ZNF750: variants seen among roughly 807,000 people sequenced by gnomAD.
ZNF750 encodes protein ZNF750.
In ZNF750, 10 loss-of-function variants were observed where a neutral mutation model predicts 31.6. That is an observed-to-expected ratio of 0.32 (90% CI 0.19 to 0.54). The LOEUF is 0.54. Among genes scored for constraint, ZNF750 ranks in the 20% least tolerant of loss-of-function variants. The pLI, the probability that ZNF750 is intolerant of heterozygous loss-of-function variation, is 0.95. For missense variants in ZNF750, 914 were observed against 934.9 expected, an observed-to-expected ratio of 0.98 and a Z score of 0.29; for synonymous variants, 400 against 404.9, an observed-to-expected ratio of 0.99 and a Z score of 0.15.
rs1425835057 is a variant in ZNF750 at position 82,830,620 on chromosome 17, C to CT, written c.1693dup (p.Arg565LysfsTer27). On this transcript the variant is annotated frameshift_variant, in exon 3 of 3. Transcript: ENST00000269394. LOFTEE classifies it low-confidence loss of function (END_TRUNC). Reference sequence around the variant, plus strand: ...TCGTGGTCGACCGGGGAAGGCAGGCCTCGGAGCCTGGGTGTTACAGGGGTC... The same window carrying CT: ...TCGTGGTCGACCGGGGAAGGCAGGCCTTCGGAGCCTGGGTGTTACAGGGGTC... 6.2e-7 allele frequency: 1 copy of CT among 1,614,058 alleles called. No homozygotes were observed. Among genetic ancestry groups the CT allele is most frequent in the Non-Finnish European group, 8.5e-7 (1 of 1,179,970 alleles).
Position 82,831,743 on chromosome 17 carries a change from T to G in ZNF750, c.712A>C (p.Thr238Pro). 1 of 1,614,014 alleles carries G rather than the reference T, an allele frequency of 6.2e-7. No homozygotes were observed. Among genetic ancestry groups the G allele is most frequent in the Non-Finnish European group, 8.5e-7 (1 of 1,180,008 alleles). The stretch of plus-strand genomic sequence containing the variant: ...AAGTGAGGCGGGTACTCTGGGATTG[T>G]GGGGTGCATGTAAGGGGAAATGGCC... ...LGAISPYMHP[T>P]IPEYPPHFYT... The change falls in exon 2 of 3, where the codon ACA becomes CCA. Residue 238 changes from threonine (T) to proline (P), a missense_variant. Thr to Pro is a conservative substitution (Grantham distance 38). Around this residue, in one of 2 missense-constraint regions of ZNF750, gnomAD observed 880 missense variants for 868.9 expected, o/e 1.01. Coordinates refer to ENST00000269394, the MANE Select transcript of ZNF750 (RefSeq NM_024702.3). This position sits in a 1 kb window ranked among gnomAD's most constrained non-coding sequence, Gnocchi z 4.6.
In ZNF750 at chr17:82,831,621, G is replaced by C. The variant is rs201166994; in HGVS notation, c.834C>G (p.Thr278=). 3 of 1,614,152 alleles carry C rather than the reference G, an allele frequency of 1.9e-6. No homozygotes were observed. The stretch of plus-strand genomic sequence containing the variant: ...GAGGCAGGAAGTGTCTCGGGTCTTG[G>C]GTTCCGTAGACTGACAGCAGGGGTG... The part of the protein sequence containing the change: ...CDAPLLSVYG[T]QDPRHFLPHP... The change falls in exon 2 of 3, where the codon ACC becomes ACG. Residue 278 remains threonine (T), a synonymous_variant. Coordinates refer to ENST00000269394, the MANE Select transcript of ZNF750 (RefSeq NM_024702.3). The surrounding 1 kb of genome is among the most constrained non-coding windows in gnomAD (Gnocchi z 4.6).
Position 82,831,250 on chromosome 17 carries a change from G to T in ZNF750, c.1205C>A (p.Pro402His). The change falls in exon 2 of 3, where the codon CCC becomes CAC. Residue 402 changes from proline (P) to histidine (H), a missense_variant. Coordinates refer to ENST00000269394, the MANE Select transcript of ZNF750 (RefSeq NM_024702.3). The surrounding 1 kb of genome is among the most constrained non-coding windows in gnomAD (Gnocchi z 4.6). ...QRDTEGSKMS[P>H]RAGSAATGSP... Reference sequence around the variant, plus strand: ...GCCCGTGGCTGCACTCCCTGCGCGGGGGCTCATTTTGGACCCTTCCGTGTC... The same window carrying T: ...GCCCGTGGCTGCACTCCCTGCGCGGTGGCTCATTTTGGACCCTTCCGTGTC... 6.2e-7 allele frequency: 1 copy of T among 1,613,884 alleles called. No individual in the cohort carries two copies. The highest frequency in any genetic ancestry group is 8.5e-7 in the Non-Finnish European group (1 of 1,180,032).
At chr17:82,837,174 A>C (rs2054060452) in intron 1 of ZNF750, among the ~76,000 whole-genome samples, 1 of 152,208 alleles carries the variant, frequency 6.6e-6, no homozygotes, top group Non-Finnish European at 1.5e-5. Context: ...AAGCTTTCAA[A>C]TGATGATGAT....
Position 82,830,881 on chromosome 17 carries a change from G to T in ZNF750, c.1437-4C>A. 1.2e-6 allele frequency: 2 copies of T among 1,612,706 alleles called. No individual in the cohort carries two copies. The highest frequency in any genetic ancestry group is 1.7e-6 in the Non-Finnish European group (2 of 1,180,016). On this transcript the variant is annotated splice_polypyrimidine_tract_variant and splice_region_variant and intron_variant, in intron 2 of 2. Coordinates refer to ENST00000269394, the MANE Select transcript of ZNF750 (RefSeq NM_024702.3). Reference sequence around the variant, plus strand: ...GTCTCCGTTCACAACATTGAGGCTAGAAGAAGCCAAGAAAAAGCTTAGTAG... The same window carrying T: ...GTCTCCGTTCACAACATTGAGGCTATAAGAAGCCAAGAAAAAGCTTAGTAG...
At position 82,830,583 on chromosome 17, in the gene ZNF750, A is replaced by G; in HGVS notation, c.1731T>C (p.Pro577=). 5.6e-6 allele frequency: 9 copies of G among 1,614,060 alleles called. No individual in the cohort carries two copies. Among genetic ancestry groups the G allele is most frequent in the Non-Finnish European group, 7.6e-6 (9 of 1,179,978 alleles). ...CAGTCTTCTGTGGAACAGCAGCAGCAGGTTCTGCAGCTCGTGGTCGACCGG... is the reference window on the plus strand; with the variant it reads ...CAGTCTTCTGTGGAACAGCAGCAGCGGGTTCTGCAGCTCGTGGTCGACCGG... ...AFPGRPRAAE[P]AAAVPQKTGT... is the part of the protein sequence containing the mutation. The change falls in exon 3 of 3, where the codon CCT becomes CCC. Residue 577 remains proline (P), a synonymous_variant. Transcript: ENST00000269394.
intron 1 of ZNF750, chr17:82,839,090 T>G (rs925575505): frequency 7.8e-6 from 5 of 641,730 alleles, no homozygotes; most frequent in African/African-American, 5.9e-5. Flanking sequence ...TTTGGTTTGG[T>G]TTTGTTTTCG....
Position 82,832,237 on chromosome 17 carries a change from G to C in ZNF750, c.218C>G (p.Pro73Arg), listed in dbSNP as rs541943193. Residue 73 changes from proline to arginine, a missense_variant, in exon 2 of 3, where the codon CCC (proline) becomes CGC (arginine). Transcript: ENST00000269394. The surrounding 1 kb of genome is among the most constrained non-coding windows in gnomAD (Gnocchi z 4.9). ...PKCPKSNSLD[P>R]KQTNQPDATA... ...GGCATCGGGCTGGTTGGTTTGCTTG[G>C]GGTCTAGTGAGTTAGATTTAGGGCA... 17 of 1,614,228 alleles carry C rather than the reference G, an allele frequency of 1.1e-5. No homozygotes were observed. The Admixed American group carries it at 2.7e-4, about 25-fold the overall frequency.
rs1428136378 is a variant in ZNF750, at chr17:82,831,895, G to A, written c.560C>T (p.Pro187Leu). 6.2e-7 allele frequency: 1 copy of A among 1,614,200 alleles called. No individual in the cohort carries two copies. The highest frequency in any genetic ancestry group is 1.7e-5 in the Admixed American group (1 of 60,030). Residue 187 changes from proline to leucine, a missense_variant, in exon 2 of 3, where the codon CCC becomes CTC. Around this residue, in one of 2 missense-constraint regions of ZNF750, gnomAD observed 880 missense variants for 868.9 expected, o/e 1.01. Transcript: ENST00000269394. The surrounding 1 kb of genome is among the most constrained non-coding windows in gnomAD (Gnocchi z 4.6). ...GTGGAAAGACACGGCCTTGGCAGTG[G>A]GGTTGTGTAAAGCCAGTGTCTCGGG... ...EAPETLALHN[P>L]TAKAVSFHTK... is the part of the protein sequence containing the mutation.
At position 82,832,533 on chromosome 17, in the gene ZNF750, A is replaced by T; in HGVS notation, c.-79T>A. ...CGCCGCGTGCACTTCGTGGTTTCTA[A>T]AGAGGCACCTCCCGCTTTGCTTTCT... is the stretch of plus-strand genomic sequence containing the variant. On this transcript the variant is annotated 5_prime_UTR_variant, in exon 2 of 3. Coordinates refer to ENST00000269394, the MANE Select transcript of ZNF750 (RefSeq NM_024702.3). The surrounding 1 kb of genome is among the most constrained non-coding windows in gnomAD (Gnocchi z 4.9). 7.9e-7 allele frequency: 1 copy of T among 1,264,466 alleles called. No homozygotes were observed. Among genetic ancestry groups the T allele is most frequent in the Non-Finnish European group, 1.1e-6 (1 of 878,414 alleles). The allele number at this position is 1,264,466 out of a possible 1,614,324, so 78.3% of individuals were successfully genotyped here.
At chr17:82,834,822 C>G (rs1398012927) in intron 1 of ZNF750, among the ~76,000 whole-genome samples, 2 of 152,078 alleles carry the variant, frequency 1.3e-5, no homozygotes, top group Non-Finnish European at 1.5e-5. Flanking sequence ...CACCATGGCA[C>G]ACATTTACCT....
Position 82,830,441 on chromosome 17 carries a change from C to A in ZNF750, c.1873G>T (p.Asp625Tyr), listed in dbSNP as rs1276760924. ...GTCTGCTTCTGCTCCTCGCTGCTGT[C>A]CACCGCGCATGCGTCTGGAGCCTCC... ...GEEAPDACAV[D>Y]SSEEQKQTAA... is the part of the protein sequence containing the mutation. Residue 625 changes from aspartate (D) to tyrosine (Y), a missense_variant, in exon 3 of 3, where the codon GAC becomes TAC. By Grantham distance (160) the Asp-to-Tyr change is radical. This residue lies in a region of ZNF750 where 880 missense variants were observed against 868.9 expected (regional missense o/e 1.01). Coordinates refer to ENST00000269394, the MANE Select transcript of ZNF750 (RefSeq NM_024702.3). The A allele has an allele frequency of 6.2e-7, 1 of 1,612,126 alleles. No homozygotes were observed. The highest frequency in any genetic ancestry group is 1.7e-5 in the Admixed American group (1 of 60,008).
In ZNF750 at chr17:82,835,825, G is replaced by C. The variant is rs56144401; in HGVS notation, c.-182-3189C>G. 5.9e-3 allele frequency among the ~76,000 whole-genome samples: 905 copies of C among 152,308 alleles called. 8 individuals are homozygous for C. The highest frequency in any genetic ancestry group is 0.02 in the African/African-American group (849 of 41,556). On this transcript the variant is annotated intron_variant, in intron 1 of 2. Coordinates refer to ENST00000269394, the MANE Select transcript of ZNF750 (RefSeq NM_024702.3). The surrounding 1 kb of genome is among the most constrained non-coding windows in gnomAD (Gnocchi z 4.5). ...TTAAGACATTTATTTACTAAGAAGT[G>C]GTTTGGGTAGAAAAGGGGCTCTGCT...
intron 1 of ZNF750, among the ~76,000 whole-genome samples, chr17:82,836,579 C>T (rs137925436): frequency 5.4e-4 from 82 of 152,028 alleles, no homozygotes; most frequent in African/African-American, 1.9e-3. Flanking sequence ...ATACCTCTAG[C>T]GCCTGAAACA....
rs2145259115 is a variant in ZNF750 at position 82,831,435 on chromosome 17, G to A, written c.1020C>T (p.Gly340=). 6.2e-7 allele frequency: 1 copy of A among 1,614,198 alleles called. No individual in the cohort carries two copies. Among genetic ancestry groups the A allele is most frequent in the Non-Finnish European group, 8.5e-7 (1 of 1,180,030 alleles). ...SYGLRLPPVT[G]LTRDQSSHLL... The stretch of plus-strand genomic sequence containing the variant: ...GGTGAGAGCTCTGATCTCGGGTGAG[G>A]CCAGTGACAGGTGGGAGTCTGAGAC... Residue 340 remains glycine (G), a synonymous_variant, in exon 2 of 3, where the codon GGC becomes GGT. Transcript: ENST00000269394. The surrounding 1 kb of genome is among the most constrained non-coding windows in gnomAD (Gnocchi z 4.6).
chr17:82,831,131 G>C lies in ZNF750; in HGVS notation c.1324C>G (p.Leu442Val). 6.2e-7 allele frequency: 1 copy of C among 1,614,142 alleles called. No individual in the cohort carries two copies. Among genetic ancestry groups the C allele is most frequent in the South Asian group, 1.1e-5 (1 of 91,084 alleles). The change falls in exon 2 of 3, where the codon CTG (leucine) becomes GTG (valine). Residue 442 changes from leucine (L) to valine (V), a missense_variant. Transcript: ENST00000269394. This position sits in a 1 kb window ranked among gnomAD's most constrained non-coding sequence, Gnocchi z 4.6. ...DLSNKAASSA[L>V]GRLYPPEQSL... is the part of the protein sequence containing the mutation. ...TGCTCTGGCGGGTAGAGTCTTCCCA[G>C]TGCGCTGGAGGCTGCCTTGTTGGAG...
In ZNF750 at chr17:82,829,565, C is replaced by G. The variant is rs997965114; in HGVS notation, c.*577G>C. ...GTGAGGCAGAGTAAGCCAGAACATTCACTGTAACATTATAAGCAAGTAGAA... is the reference window on the plus strand; with the variant it reads ...GTGAGGCAGAGTAAGCCAGAACATTGACTGTAACATTATAAGCAAGTAGAA... On this transcript the variant is annotated 3_prime_UTR_variant, in exon 3 of 3. Transcript: ENST00000269394. 5 of 155,116 alleles carry G rather than the reference C, an allele frequency of 3.2e-5. No homozygotes were observed. The highest frequency in any genetic ancestry group is 2.5e-4 in the Admixed American group (4 of 15,962). The allele number at this position is 155,116 out of a possible 1,614,324, so 9.6% of individuals were successfully genotyped here.
Position 82,833,839 on chromosome 17 carries a change from G to C in ZNF750, c.-182-1203C>G, listed in dbSNP as rs2053723753. Among the ~76,000 whole-genome samples, 1 of 152,246 alleles carries C rather than the reference G, an allele frequency of 6.6e-6. No homozygotes were observed. ...ACCAGAGGCTGTGTGTGTGATGTCAGAGCTGGCCTGCTCTTTTGGATTCTT... is the reference window on the plus strand; with the variant it reads ...ACCAGAGGCTGTGTGTGTGATGTCACAGCTGGCCTGCTCTTTTGGATTCTT... On this transcript the variant is annotated intron_variant, in intron 1 of 2. Coordinates refer to ENST00000269394, the MANE Select transcript of ZNF750 (RefSeq NM_024702.3). This position sits in a 1 kb window ranked among gnomAD's most constrained non-coding sequence, Gnocchi z 4.7.
chr17:82,838,651 A>G (rs1487537108), intron 1 of ZNF750: 1 of 985,434 alleles, frequency 1.0e-6, no homozygotes, highest in Non-Finnish European at 1.2e-6. Flanking sequence ...GAGCTTTTCC[A>G]GTGATTGACT....
Sources: allele counts gnomAD v4.1 joint callset (sites outside exome capture counted in the v4.1 genomes callset), GRCh38; gene constraint gnomAD v4.1.1; regional missense constraint gnomAD v4.1.1; non-coding constraint Gnocchi (gnomAD v3.1); transcripts MANE v1.5; gene names NCBI Gene and HGNC (gene_info 2026-07-23, HGNC 2026-07-21).